Variants in LSAMP observed in about 807,000 individuals in gnomAD.
LSAMP encodes the protein limbic system associated membrane protein.
A neutral mutation model predicts 38.6 loss-of-function variants in LSAMP; 7 were observed. The observed-to-expected ratio is 0.18, with a 90% CI of 0.10 to 0.34. The LOEUF (loss-of-function observed/expected upper bound fraction) is 0.34, where lower values mean the gene tolerates loss of function less well. Ranked by LOEUF, LSAMP falls within the 10% of genes least tolerant of loss-of-function variation. The probability of loss-of-function intolerance (pLI) is 1.00; values close to 1 mark genes in which losing one functional copy is unlikely to be tolerated. For synonymous variants in LSAMP, 154 were observed against 166.8 expected (o/e 0.92, Z 0.59); for missense variants, 313 against 420.0 (o/e 0.75, Z 2.23).
chr3:116,331,614 A>G (rs2047852543), intron 1 of LSAMP, among the ~76,000 whole-genome samples: 1 of 152,162 alleles, frequency 6.6e-6, no homozygotes, highest in South Asian at 2.1e-4. Context: ...CAAATAAATG[A>G]AATCTAAGGA....
At chr3:115,921,619 A>C (rs1937384752) in intron 3 of LSAMP, among the ~76,000 whole-genome samples, 1 of 152,028 alleles carries the variant, frequency 6.6e-6, no homozygotes, top group Non-Finnish European at 1.5e-5. Context: ...TGTATTTATT[A>C]ATATATTTAC....
intron 1 of LSAMP, among the ~76,000 whole-genome samples, chr3:116,213,549 A>T (rs960338747): frequency 1.3e-5 from 2 of 152,196 alleles, no homozygotes; most frequent in African/African-American, 4.8e-5. Flanking sequence ...AACTAATACA[A>T]GTTGAAATCA....
chr3:115,809,492 T>C lies in LSAMP; in HGVS notation c.*825A>G, dbSNP rs998486257. On this transcript the variant is annotated 3_prime_UTR_variant, in exon 7 of 7. Transcript: ENST00000490035. ...GACAGTATCTACAGCACAATGAGTC[T>C]ATGTACACATGGACCATTCCCTTGG... 1.3e-5 allele frequency: 2 copies of C among 152,328 alleles called. No homozygotes were observed. The highest frequency in any genetic ancestry group is 2.4e-5 in the African/African-American group (1 of 41,442). 9.4% of individuals were successfully genotyped at this position (152,328 alleles called of 1,614,324 possible). A position where few individuals can be genotyped will look rare whatever the true frequency, so the allele number is the denominator to read the frequency against.
At chr3:116,053,640 G>A (rs1432445283) in intron 2 of LSAMP, among the ~76,000 whole-genome samples, 1 of 152,178 alleles carries the variant, frequency 6.6e-6, no homozygotes, top group Non-Finnish European at 1.5e-5. Flanking sequence ...TTCAGAGATT[G>A]ACAAGTAGTT....
intron 1 of LSAMP, among the ~76,000 whole-genome samples, chr3:116,232,699 C>CTTTTTTT (rs1219296323): frequency 0.054 from 5,362 of 99,312 alleles, 442 homozygotes; most frequent in Middle Eastern, 0.13. Context: ...TTCTTTCTTT[C>CTTTTTTT]TTTTTTTTTT....
intron 2 of LSAMP, among the ~76,000 whole-genome samples, chr3:116,060,281 T>A (rs1941570161): frequency 6.6e-6 from 1 of 151,444 alleles, no homozygotes; most frequent in African/African-American, 2.4e-5. Context: ...CAAGTCAAAG[T>A]AGAAAGTTGA....
chr3:116,372,441 TG>T (rs2048442177), intron 1 of LSAMP, among the ~76,000 whole-genome samples: 1 of 151,870 alleles, frequency 6.6e-6, no homozygotes, highest in Admixed American at 6.6e-5. Flanking sequence ...GACCTAAATG[TG>T]AGATGTGAAA....
chr3:116,104,659 A>ATTTC (rs750681731), intron 1 of LSAMP, among the ~76,000 whole-genome samples: 8 of 152,282 alleles, frequency 5.3e-5, no homozygotes, highest in Non-Finnish European at 7.4e-5. Flanking sequence ...AAAATAATAT[A>ATTTC]TTTCTTACAG....
In LSAMP at chr3:116,151,390, A is replaced by G. The variant is rs188552571; in HGVS notation, c.156-64834T>C. 9.9e-4 allele frequency among the ~76,000 whole-genome samples: 150 copies of G among 152,130 alleles called. 1 individual carries two copies. Among genetic ancestry groups the G allele is most frequent in the African/African-American group, 3.5e-3 (145 of 41,536 alleles). Reference sequence around the variant, plus strand: ...AATGTGTAGAGGTTAACCCAGTACAAGAAGCAGGAATGAGTGTCCCAACAA... The same window carrying G: ...AATGTGTAGAGGTTAACCCAGTACAGGAAGCAGGAATGAGTGTCCCAACAA... On this transcript the variant is annotated intron_variant, in intron 1 of 6. Coordinates refer to ENST00000490035, the MANE Select transcript of LSAMP (RefSeq NM_002338.5).
intron 1 of LSAMP, among the ~76,000 whole-genome samples, chr3:116,401,534 A>G (rs2048841902): frequency 6.6e-6 from 1 of 152,126 alleles, no homozygotes; most frequent in Admixed American, 6.6e-5. Context: ...CACCTGCCTT[A>G]GCCTCCCAAA....
At position 115,911,099 on chromosome 3, in the gene LSAMP, A is replaced by G. The variant is rs1937123984; in HGVS notation, c.515-58482T>C. Among the ~76,000 whole-genome samples, 3 of 152,238 alleles carry G rather than the reference A, an allele frequency of 2.0e-5. 1 individual carries two copies. The South Asian group carries it at 6.2e-4, about 31-fold the overall frequency. On this transcript the variant is annotated intron_variant, in intron 3 of 6. Transcript: ENST00000490035. ...TATCCCATAAATATGTACAAATGTC[A>G]TGCATCAATTTTTAAAAGGAACATG...
chr3:115,836,837 C>A (rs1386292796), intron 6 of LSAMP, among the ~76,000 whole-genome samples: 7 of 152,102 alleles, frequency 4.6e-5, no homozygotes, highest in Admixed American at 4.6e-4. Context: ...GGTTAGAGTG[C>A]AGTGGCCTGA....
intron 2 of LSAMP, among the ~76,000 whole-genome samples, chr3:116,040,003 A>C (rs571303148): frequency 6.7e-6 from 1 of 149,398 alleles, no homozygotes; most frequent in Non-Finnish European, 1.5e-5. Context: ...TTGGGGGGGG[A>C]AAAAAACTGG....
chr3:116,326,955 G>C (rs999149897), intron 1 of LSAMP, among the ~76,000 whole-genome samples: 2 of 152,124 alleles, frequency 1.3e-5, no homozygotes, highest in Non-Finnish European at 2.9e-5. Flanking sequence ...TACTGTAGGG[G>C]GTTAATCTTG....
In LSAMP at chr3:115,805,983, A is replaced by G. The variant is rs1284353980; in HGVS notation, c.*4334T>C. 2.0e-5 allele frequency: 3 copies of G among 152,206 alleles called. No individual in the cohort carries two copies. The highest frequency in any genetic ancestry group is 2.9e-5 in the Non-Finnish European group (2 of 68,030). 9.4% of individuals were successfully genotyped at this position (152,206 alleles called of 1,614,324 possible). ...TGGTGTGTTTCACATTTGTCTTCAA[A>G]ATATTAATAGTTTATGTAGGTAAGA... On this transcript the variant is annotated 3_prime_UTR_variant, in exon 7 of 7. Coordinates refer to ENST00000490035, the MANE Select transcript of LSAMP (RefSeq NM_002338.5).
At chr3:116,198,622 T>G (rs960878137) in intron 1 of LSAMP, among the ~76,000 whole-genome samples, 1 of 151,400 alleles carries the variant, frequency 6.6e-6, no homozygotes, top group African/African-American at 2.4e-5. Context: ...ATACAAAAAA[T>G]TAGCCGGGCT....
intron 1 of LSAMP, among the ~76,000 whole-genome samples, chr3:116,240,382 A>G (rs1302754708): frequency 6.6e-6 from 1 of 152,206 alleles, no homozygotes; most frequent in Non-Finnish European, 1.5e-5. Context: ...CAGAGTTAAA[A>G]AGGTCAGGGG....
At chr3:116,224,427 T>C (rs2046320747) in intron 1 of LSAMP, among the ~76,000 whole-genome samples, 1 of 152,182 alleles carries the variant, frequency 6.6e-6, no homozygotes, top group Non-Finnish European at 1.5e-5. Flanking sequence ...TGCCTTTCCT[T>C]TTAGAATAAC....
intron 1 of LSAMP, among the ~76,000 whole-genome samples, chr3:116,154,695 T>A (rs1329103118): frequency 3.9e-5 from 6 of 152,062 alleles, no homozygotes; most frequent in Non-Finnish European, 8.8e-5. Context: ...TTCACACATA[T>A]CCTTCCCCCA....
Sources: gnomAD v4.1 joint callset for allele counts (sites outside exome capture counted in the v4.1 genomes callset) on GRCh38, gnomAD v4.1.1 for gene constraint, MANE v1.5 for transcripts, NCBI Gene and HGNC (gene_info 2026-07-23, HGNC 2026-07-21) for gene names.